The following PTPRD variants were observed in gnomAD, a reference collection of about 807,000 sequenced individuals.
PTPRD encodes the protein protein tyrosine phosphatase receptor type D, also known as receptor-type tyrosine-protein phosphatase delta.
In PTPRD, 34 loss-of-function variants were observed where a neutral mutation model predicts 214.5. That is an observed-to-expected ratio of 0.16 (90% CI 0.12 to 0.21). The LOEUF (loss-of-function observed/expected upper bound fraction) is 0.21. PTPRD is among the 10% of genes least tolerant of loss of function. PTPRD has a pLI of 1.00. For missense variants in PTPRD, 2,545 were observed against 2,398.7 expected (o/e 1.06, Z -1.27); for synonymous variants, 1,128 against 845.7 (o/e 1.33, Z -5.79).
At chr9:8,551,873 T>C (rs530719056) in intron 14 of PTPRD, among the ~76,000 whole-genome samples, 1 of 152,280 alleles carries the variant, frequency 6.6e-6, no homozygotes, top group African/African-American at 2.4e-5. Flanking sequence ...AAACCAGAAA[T>C]GTGATCCAGT....
chr9:10,418,684 G>A (rs2154514928), intron 2 of PTPRD, among the ~76,000 whole-genome samples: 1 of 151,562 alleles, frequency 6.6e-6, no homozygotes, highest in Non-Finnish European at 1.5e-5. Context: ...TTATTTCCAG[G>A]GCCTAGGTCA....
intron 11 of PTPRD, among the ~76,000 whole-genome samples, chr9:8,998,768 C>T (rs2099406712): frequency 6.6e-6 from 1 of 152,052 alleles, no homozygotes; most frequent in Non-Finnish European, 1.5e-5. Context: ...CACTAGTCTA[C>T]ATGCCATTAA....
intron 7 of PTPRD, among the ~76,000 whole-genome samples, chr9:9,601,803 T>C (rs1592711793): frequency 6.6e-6 from 1 of 151,976 alleles, no homozygotes; most frequent in South Asian, 2.1e-4. Flanking sequence ...ACACTAAATA[T>C]AATACAAAAG....
At chr9:8,669,109 G>C (rs2154361714) in intron 12 of PTPRD, among the ~76,000 whole-genome samples, 1 of 152,154 alleles carries the variant, frequency 6.6e-6, no homozygotes, top group East Asian at 1.9e-4. Flanking sequence ...AAAGTGATGA[G>C]GTTTCAAAAT....
intron 9 of PTPRD, among the ~76,000 whole-genome samples, chr9:9,351,789 G>A (rs531308687): frequency 1.3e-5 from 2 of 152,110 alleles, no homozygotes; most frequent in South Asian, 4.1e-4. Context: ...TTGGTCAGCT[G>A]GGTTCATAAT....
chr9:8,732,547 G>C (rs774841295), intron 12 of PTPRD, among the ~76,000 whole-genome samples: 7 of 152,136 alleles, frequency 4.6e-5, no homozygotes, highest in East Asian at 1.9e-4. Context: ...TCTTTTCCCA[G>C]TTAATTATTT....
chr9:10,328,375 G>T (rs534552980), intron 3 of PTPRD, among the ~76,000 whole-genome samples: 86 of 151,672 alleles, frequency 5.7e-4, no homozygotes, highest in Non-Finnish European at 1.0e-3. Context: ...ACTGGTAGGG[G>T]GGTTTCTGGG....
chr9:9,178,018 A>C (rs2099925979), intron 10 of PTPRD, among the ~76,000 whole-genome samples: 1 of 152,122 alleles, frequency 6.6e-6, no homozygotes, highest in African/African-American at 2.4e-5. Context: ...CCATCTCATA[A>C]TAGGAATGGT....
At chr9:9,285,927 A>C (rs1224742056) in intron 9 of PTPRD, among the ~76,000 whole-genome samples, 1 of 151,742 alleles carries the variant, frequency 6.6e-6, no homozygotes, top group Non-Finnish European at 1.5e-5. Flanking sequence ...TTCTCAGTCC[A>C]CAAGTACATT....
At chr9:9,175,953 A>AAC (rs2099924590) in intron 10 of PTPRD, among the ~76,000 whole-genome samples, 1 of 152,198 alleles carries the variant, frequency 6.6e-6, no homozygotes, top group African/African-American at 2.4e-5. Context: ...TCTTTTATAT[A>AAC]TCACTCTTGA....
At chr9:8,767,723 G>C (rs1488575472) in intron 11 of PTPRD, among the ~76,000 whole-genome samples, 2 of 152,080 alleles carry the variant, frequency 1.3e-5, no homozygotes, top group African/African-American at 4.8e-5. Flanking sequence ...CGGATGCTCA[G>C]GTCATACTCC....
chr9:9,830,208 T>C (rs555975538), intron 5 of PTPRD, among the ~76,000 whole-genome samples: 1 of 151,830 alleles, frequency 6.6e-6, no homozygotes, highest in Admixed American at 6.6e-5. Flanking sequence ...AATCAAATAT[T>C]TTTAAAAAGT....
At chr9:8,909,134 T>A (rs1001695395) in intron 11 of PTPRD, among the ~76,000 whole-genome samples, 1 of 151,910 alleles carries the variant, frequency 6.6e-6, no homozygotes, top group African/African-American at 2.4e-5. Context: ...CAGCTGGGAA[T>A]TAAAAATCTT....
chr9:10,323,389 G>T (rs1225873797), intron 3 of PTPRD, among the ~76,000 whole-genome samples: 3 of 149,602 alleles, frequency 2.0e-5, no homozygotes, highest in Non-Finnish European at 3.0e-5. Flanking sequence ...CAGCCTCCTG[G>T]GCTCTAACAA....
chr9:8,543,045 C>T (rs560891233), intron 14 of PTPRD, among the ~76,000 whole-genome samples: 14 of 152,224 alleles, frequency 9.2e-5, no homozygotes, highest in African/African-American at 3.4e-4. Flanking sequence ...AGTTGTGTTC[C>T]TATGAAGACA....
intron 37 of PTPRD, among the ~76,000 whole-genome samples, chr9:8,384,908 T>G (rs2086454810): frequency 6.6e-6 from 1 of 152,222 alleles, no homozygotes; most frequent in Non-Finnish European, 1.5e-5. Flanking sequence ...GGTTGATAGC[T>G]GAATGTATAC....
chr9:8,457,484 A>G (rs746846811), intron 33 of PTPRD, among the ~76,000 whole-genome samples: 39 of 152,218 alleles, frequency 2.6e-4, no homozygotes, highest in Admixed American at 2.6e-3. Context: ...TCAATGTATT[A>G]TAGGTATACA....
At chr9:10,335,851 C>T (rs181988582) in intron 3 of PTPRD, among the ~76,000 whole-genome samples, 17 of 151,834 alleles carry the variant, frequency 1.1e-4, no homozygotes, top group African/African-American at 3.6e-4. Context: ...AGATGCTCAC[C>T]ATGTCATCAG....
At chr9:8,601,071 C>A (rs1390420291) in intron 14 of PTPRD, among the ~76,000 whole-genome samples, 1 of 152,042 alleles carries the variant, frequency 6.6e-6, no homozygotes, top group Non-Finnish European at 1.5e-5. Flanking sequence ...GACTGAAGAG[C>A]TTTTAGGCCT....
Sources: gnomAD v4.1 joint callset for allele counts (sites outside exome capture counted in the v4.1 genomes callset) on GRCh38, gnomAD v4.1.1 for gene constraint, MANE v1.5 for transcripts, NCBI Gene and HGNC (gene_info 2026-07-23, HGNC 2026-07-21) for gene names.